AHDC1: variants seen among roughly 807,000 people sequenced by gnomAD.
AHDC1 encodes the protein AT-hook DNA binding motif containing 1.
AHDC1 carries 7 observed loss-of-function variants against 87.9 expected under a neutral mutation model. The observed-to-expected ratio is 0.08, with a 90% CI of 0.05 to 0.15. The LOEUF is 0.15. Among genes scored for constraint, AHDC1 ranks in the 10% least tolerant of loss-of-function variants. The probability of loss-of-function intolerance (pLI) is 1.00; values close to 1 mark genes in which losing one functional copy is unlikely to be tolerated. For missense variants in AHDC1, 1,841 were observed against 2,253.2 expected (o/e 0.82, Z 3.70); for synonymous variants, 1,051 against 1,006.8 (o/e 1.04, Z -0.83).
In AHDC1 at chr1:27,550,679, G is replaced by A; in HGVS notation, c.1437C>T (p.Ala479=). The change falls in exon 8 of 9, where the codon GCC becomes GCT. Residue 479 remains alanine (A), a synonymous_variant. Coordinates refer to ENST00000673934, the MANE Select transcript of AHDC1 (RefSeq NM_001371928.1). ...RGVRRMVVKM[A]KIPVSLGRRN... ...GCCGCCCCAGCGATACGGGGATCTT[G>A]GCCATCTTCACCACCATGCGCCGCA... 6.2e-7 allele frequency: 1 copy of A among 1,612,926 alleles called. No homozygotes were observed. The highest frequency in any genetic ancestry group is 8.5e-7 in the Non-Finnish European group (1 of 1,179,792).
chr1:27,545,151 CTT>C (rs1432866580), intron 8 of AHDC1, among the ~76,000 whole-genome samples: 1 of 151,456 alleles, frequency 6.6e-6, no homozygotes, highest in East Asian at 1.9e-4. Flanking sequence ...AAGCTTCTAG[CTT>C]TTTTCTCTTG....
intron 8 of AHDC1, among the ~76,000 whole-genome samples, chr1:27,541,628 GTTTT>G (rs1315812535): frequency 8.5e-6 from 1 of 118,058 alleles, no homozygotes; most frequent in Non-Finnish European, 1.8e-5. Context: ...CCATGTGGAG[GTTTT>G]TTTTTTTTTT....
intron 3 of AHDC1, among the ~76,000 whole-genome samples, chr1:27,596,514 T>C (rs1019335494): frequency 6.6e-6 from 1 of 151,978 alleles, no homozygotes; most frequent in African/African-American, 2.4e-5. Flanking sequence ...CGGGGGCCCC[T>C]TCCCACGTGC....
rs981518217 is a variant in AHDC1 at position 27,560,196 on chromosome 1, C to T, written c.-628-1313G>A. Among the ~76,000 whole-genome samples the T allele has an allele frequency of 7.4e-4, 54 of 73,340 alleles. No homozygotes were observed. The highest frequency in any genetic ancestry group is 5.8e-3 in the South Asian group (9 of 1,554). 48.1% of individuals were successfully genotyped at this position (73,340 alleles called of 152,430 possible). A position where few individuals can be genotyped will look rare whatever the true frequency, so the allele number is the denominator to read the frequency against. On this transcript the variant is annotated intron_variant, in intron 3 of 8. Coordinates refer to ENST00000673934, the MANE Select transcript of AHDC1 (RefSeq NM_001371928.1). This position sits in a 1 kb window ranked among gnomAD's most constrained non-coding sequence, Gnocchi z 4.1. ...TGCACTTTTCACGTTTATTTCTATT[C>T]GTTTTGTGTGTGTGTGTGTGTGTGT...
intron 8 of AHDC1, among the ~76,000 whole-genome samples, chr1:27,542,979 CAG>C (rs942265277): frequency 6.6e-5 from 10 of 152,196 alleles, no homozygotes; most frequent in African/African-American, 1.7e-4. Context: ...GCCTCTTGCT[CAG>C]AGTCACAGGC....
At chr1:27,545,419 T>C (rs1227875219) in intron 8 of AHDC1, among the ~76,000 whole-genome samples, 1 of 151,990 alleles carries the variant, frequency 6.6e-6, no homozygotes, top group Non-Finnish European at 1.5e-5. Context: ...GGCATCCCAG[T>C]TCCTCCTGCG....
intron 3 of AHDC1, among the ~76,000 whole-genome samples, chr1:27,591,934 A>G (rs934658284): frequency 6.6e-6 from 1 of 152,214 alleles, no homozygotes; most frequent in Non-Finnish European, 1.5e-5. Flanking sequence ...TAGTATTAAC[A>G]TAAATCCAGT....
rs1372816021 is a variant in AHDC1, at chr1:27,550,781, C to CGGGCCT, written c.1329_1334dup (p.Gly444_Pro445dup). 3.2e-6 allele frequency: 5 copies of CGGGCCT among 1,569,388 alleles called. No individual in the cohort carries two copies. Among genetic ancestry groups the CGGGCCT allele is most frequent in the Admixed American group, 3.8e-5 (2 of 52,794 alleles). ...CCGGCTTCAACTCTGGGACTGAGAC[C>CGGGCCT]GGGCCTGGGCCTGGCAGGGCAGGGG... On this transcript the variant is annotated inframe_insertion, in exon 8 of 9. Transcript: ENST00000673934.
At position 27,549,224 on chromosome 1, in the gene AHDC1, G is replaced by A. The variant is rs2019375728; in HGVS notation, c.2892C>T (p.Ala964=). ...CGCCGTACTGGGGCAGGTAGGTGTTGGCAGGCGGGTGGGTGGTAGGTGAGC... is the reference window on the plus strand; with the variant it reads ...CGCCGTACTGGGGCAGGTAGGTGTTAGCAGGCGGGTGGGTGGTAGGTGAGC... ...MARSPTTHPP[A]NTYLPQYGGY... The change falls in exon 8 of 9, where the codon GCC becomes GCT. Residue 964 remains alanine, a synonymous_variant. Coordinates refer to ENST00000673934, the MANE Select transcript of AHDC1 (RefSeq NM_001371928.1). 1 of 1,603,696 alleles carries A rather than the reference G, an allele frequency of 6.2e-7. No homozygotes were observed. Among genetic ancestry groups the A allele is most frequent in the Non-Finnish European group, 8.5e-7 (1 of 1,174,720 alleles).
chr1:27,547,632 G>A lies in AHDC1; in HGVS notation c.4484C>T (p.Thr1495Met), dbSNP rs752427666. 20 of 1,599,218 alleles carry A rather than the reference G, an allele frequency of 1.3e-5. No homozygotes were observed. Among genetic ancestry groups the A allele is most frequent in the East Asian group, 4.5e-5 (2 of 44,114 alleles). ...AGGGGCACTGAGGCACGCGGCCTCC[G>A]TCCTGCCCAGGAAGTCAGCCAGCAG... ...TGLLADFLGR[T>M]EAACLSAPHL... Residue 1495 changes from threonine to methionine, a missense_variant, in exon 8 of 9, where the codon ACG (threonine) becomes ATG (methionine). Thr to Met is a moderately conservative substitution (Grantham distance 81). Coordinates refer to ENST00000673934, the MANE Select transcript of AHDC1 (RefSeq NM_001371928.1). This position sits in a 1 kb window ranked among gnomAD's most constrained non-coding sequence, Gnocchi z 4.9.
chr1:27,603,886 G>A (rs2089612791), intron 1 of AHDC1, 23 bp from the exon 2 acceptor site: 3 of 152,590 alleles, frequency 2.0e-5, no homozygotes, highest in Admixed American at 2.0e-4. Context: ...AGGAAATGAG[G>A]ACAGAAAGCA....
chr1:27,567,071 C>T (rs1218155924), intron 3 of AHDC1, among the ~76,000 whole-genome samples: 1 of 152,098 alleles, frequency 6.6e-6, no homozygotes, highest in Non-Finnish European at 1.5e-5. Context: ...GTGGAGGGTG[C>T]ACTGCTCTCC....
At position 27,548,999 on chromosome 1, in the gene AHDC1, G is replaced by A; in HGVS notation, c.3117C>T (p.Ser1039=). 6.4e-7 allele frequency: 1 copy of A among 1,572,030 alleles called. No homozygotes were observed. The highest frequency in any genetic ancestry group is 8.6e-7 in the Non-Finnish European group (1 of 1,158,080). The change falls in exon 8 of 9, where the codon AGC becomes AGT. Residue 1039 remains serine (S), a synonymous_variant. Coordinates refer to ENST00000673934, the MANE Select transcript of AHDC1 (RefSeq NM_001371928.1). ...CLPPSKASFF[S]SSEGAPFSGS... ...CAGAGAAGGGGGCCCCCTCAGAGCT[G>A]CTGAAGAAGGAGGCCTTGCTTGGTG...
In AHDC1 at chr1:27,534,261, G is replaced by GTTTTTTTTT. The variant is rs1195913812; in HGVS notation, c.*690_*698dup. 1 of 89,648 alleles carries GTTTTTTTTT rather than the reference G, an allele frequency of 1.1e-5. No homozygotes were observed. Among genetic ancestry groups the GTTTTTTTTT allele is most frequent in the Admixed American group, 1.1e-4 (1 of 9,186 alleles). 5.6% of individuals were successfully genotyped at this position (89,648 alleles called of 1,614,324 possible). A position where few individuals can be genotyped will look rare whatever the true frequency, so the allele number is the denominator to read the frequency against. On this transcript the variant is annotated 3_prime_UTR_variant, in exon 9 of 9. Coordinates refer to ENST00000673934, the MANE Select transcript of AHDC1 (RefSeq NM_001371928.1). ...GACACAAGGTTGGTTTTTTTTTTTT[G>GTTTTTTTTT]TTTTTTTTTTGTTTTTTTTTTGCTT...
intron 3 of AHDC1, among the ~76,000 whole-genome samples, chr1:27,578,373 G>T (rs2088816461): frequency 6.6e-6 from 1 of 152,062 alleles, no homozygotes; most frequent in African/African-American, 2.4e-5. Context: ...TGGATCACCT[G>T]AGGTCAGGAG....
chr1:27,588,544 A>G (rs867894637), intron 3 of AHDC1, among the ~76,000 whole-genome samples: 4 of 152,236 alleles, frequency 2.6e-5, no homozygotes, highest in African/African-American at 9.6e-5. Context: ...AAGGGCAAGG[A>G]CATGGTGAAG....
intron 3 of AHDC1, among the ~76,000 whole-genome samples, chr1:27,559,635 A>G (rs911769368): frequency 6.6e-6 from 1 of 152,246 alleles, no homozygotes; most frequent in Non-Finnish European, 1.5e-5. Context: ...CTGACAATGC[A>G]GATGTGAGAG....
intron 3 of AHDC1, among the ~76,000 whole-genome samples, chr1:27,574,292 T>C (rs1031618976): frequency 1.3e-5 from 2 of 152,184 alleles, no homozygotes; most frequent in Non-Finnish European, 2.9e-5. Context: ...CTCACAGGCT[T>C]GGTGCAGGGG....
In AHDC1 at chr1:27,595,834, G is replaced by A. The variant is rs138719045; in HGVS notation, c.-629+7563C>T. On this transcript the variant is annotated intron_variant, in intron 3 of 8. Coordinates refer to ENST00000673934, the MANE Select transcript of AHDC1 (RefSeq NM_001371928.1). The surrounding 1 kb of genome is among the most constrained non-coding windows in gnomAD (Gnocchi z 4.0). Reference sequence around the variant, plus strand: ...TGCAGGTTGTGGGTAAGCATGTGGTGGTTGTGTGTTTGGGGGTATGTGCAT... The same window carrying A: ...TGCAGGTTGTGGGTAAGCATGTGGTAGTTGTGTGTTTGGGGGTATGTGCAT... Among the ~76,000 whole-genome samples the A allele has an allele frequency of 1.2e-3, 175 of 151,698 alleles. 1 individual carries two copies. Among genetic ancestry groups the A allele is most frequent in the African/African-American group, 4.0e-3 (165 of 41,096 alleles).
Sources: gnomAD v4.1 joint callset for allele counts (sites outside exome capture counted in the v4.1 genomes callset) on GRCh38, gnomAD v4.1.1 for gene constraint, Gnocchi (gnomAD v3.1) non-coding constraint, MANE v1.5 for transcripts, NCBI Gene and HGNC (gene_info 2026-07-23, HGNC 2026-07-21) for gene names.